GLIS2: variants seen among roughly 807,000 people sequenced by gnomAD.
GLIS2 encodes the protein zinc finger protein GLIS2.
In GLIS2, 14 loss-of-function variants were observed where a neutral mutation model predicts 35.6. The ratio of observed to expected loss-of-function variants is 0.39; its 90% confidence interval spans 0.26 to 0.61. The LOEUF is 0.61. Ranked by LOEUF, GLIS2 falls within the 20% of genes least tolerant of loss-of-function variation. GLIS2 has a pLI of 0.48. For synonymous variants in GLIS2, 368 were observed against 325.1 expected, an observed-to-expected ratio of 1.13 and a Z score of -1.42; for missense variants, 675 against 713.4, an observed-to-expected ratio of 0.95 and a Z score of 0.61.
intron 2 of GLIS2, 51 bp from the exon 3 acceptor site, chr16:4,333,296 C>T (rs1326248992): frequency 6.2e-7 from 1 of 1,603,034 alleles, no homozygotes; most frequent in East Asian, 2.2e-5. Flanking sequence ...GAGTACCTGG[C>T]CCACTGGGAC....
intron 1 of GLIS2, among the ~76,000 whole-genome samples, chr16:4,323,855 G>A (rs1301714227): frequency 6.6e-6 from 1 of 152,200 alleles, no homozygotes; most frequent in Non-Finnish European, 1.5e-5. Context: ...GCCCTCCCTT[G>A]CAAGATGCCC....
At chr16:4,327,975 G>C (rs952734149) in intron 1 of GLIS2, among the ~76,000 whole-genome samples, 2 of 152,062 alleles carry the variant, frequency 1.3e-5, no homozygotes, top group Non-Finnish European at 2.9e-5. Context: ...GAGTGCTCGA[G>C]AGACGCGGCC....
In GLIS2 at chr16:4,335,633, G is replaced by A. The variant is rs2053542689; in HGVS notation, c.775+240G>A. 6.6e-6 allele frequency among the ~76,000 whole-genome samples: 1 copy of A among 152,146 alleles called. No homozygotes were observed. The highest frequency in any genetic ancestry group is 2.4e-5 in the African/African-American group (1 of 41,436). On this transcript the variant is annotated intron_variant, in intron 6 of 6. Coordinates refer to ENST00000433375, the MANE Select transcript of GLIS2 (RefSeq NM_032575.3). This position sits in a 1 kb window ranked among gnomAD's most constrained non-coding sequence, Gnocchi z 4.6. Reference sequence around the variant, plus strand: ...CCAATGCCATTTCCTGGTTCCCGTGGGTATCTTCTGACTAATGCCACCTCT... The same window carrying A: ...CCAATGCCATTTCCTGGTTCCCGTGAGTATCTTCTGACTAATGCCACCTCT...
chr16:4,332,458 G>A lies in GLIS2; in HGVS notation c.172+6G>A. On this transcript the variant is annotated splice_donor_region_variant and intron_variant, in intron 2 of 6. Coordinates refer to ENST00000433375, the MANE Select transcript of GLIS2 (RefSeq NM_032575.3). This position sits in a 1 kb window ranked among gnomAD's most constrained non-coding sequence, Gnocchi z 5.4. ...TCCAGGCTCCCCGCCCTCAGGTACT[G>A]GCCCTGGGCAGGGCAGGGGGACTTA... The A allele has an allele frequency of 6.2e-7, 1 of 1,610,586 alleles. No individual in the cohort carries two copies. The highest frequency in any genetic ancestry group is 8.5e-7 in the Non-Finnish European group (1 of 1,179,796).
rs1475739035 is a variant in GLIS2 at position 4,316,083 on chromosome 16, C to T, written c.-238C>T. On this transcript the variant is annotated 5_prime_UTR_variant, in exon 1 of 7. Coordinates refer to ENST00000433375, the MANE Select transcript of GLIS2 (RefSeq NM_032575.3). ...GCCGCGGCCACCTTCCCTGCCCGAGCTGCAGATGTGGCGGAGCGGCCGGGC... is the reference window on the plus strand; with the variant it reads ...GCCGCGGCCACCTTCCCTGCCCGAGTTGCAGATGTGGCGGAGCGGCCGGGC... Among the ~76,000 whole-genome samples, 1 of 144,294 alleles carries T rather than the reference C, an allele frequency of 6.9e-6. No individual in the cohort carries two copies. The highest frequency in any genetic ancestry group is 1.5e-5 in the Non-Finnish European group (1 of 65,134). The allele number at this position is 144,294 out of a possible 152,430, so 94.7% of individuals were successfully genotyped here.
intron 1 of GLIS2, among the ~76,000 whole-genome samples, chr16:4,316,588 C>T (rs999401291): frequency 2.6e-5 from 4 of 151,764 alleles, no homozygotes. Flanking sequence ...CGGTGGGGGG[C>T]GTGCGGCGAG....
chr16:4,326,787 G>GTC, intron 1 of GLIS2, among the ~76,000 whole-genome samples: 1 of 137,858 alleles, frequency 7.3e-6, no homozygotes, highest in South Asian at 2.3e-4. Flanking sequence ...CCGAGATGGA[G>GTC]TCTCACTCCG....
chr16:4,319,988 T>C, intron 1 of GLIS2, among the ~76,000 whole-genome samples: 1 of 151,134 alleles, frequency 6.6e-6, no homozygotes, highest in Non-Finnish European at 1.5e-5. Context: ...GCTTCCCATC[T>C]GCCCCAGCAG....
At chr16:4,327,375 C>T (rs1295046640) in intron 1 of GLIS2, among the ~76,000 whole-genome samples, 2 of 152,244 alleles carry the variant, frequency 1.3e-5, no homozygotes, top group African/African-American at 2.4e-5. Flanking sequence ...ACCTAATGGT[C>T]CTTTACCCCC....
intron 1 of GLIS2, among the ~76,000 whole-genome samples, chr16:4,329,871 G>A (rs896864260): frequency 6.6e-6 from 1 of 152,210 alleles, no homozygotes; most frequent in Non-Finnish European, 1.5e-5. Flanking sequence ...GAAATGTCGT[G>A]TTTAACCGCG....
At chr16:4,330,403 C>T (rs1041959518) in intron 1 of GLIS2, among the ~76,000 whole-genome samples, 15 of 152,242 alleles carry the variant, frequency 9.9e-5, no homozygotes, top group African/African-American at 1.7e-4. Context: ...ATATATTAAC[C>T]GCCAGATACA....
chr16:4,326,488 C>T (rs2053431499), intron 1 of GLIS2: 1 of 152,256 alleles, frequency 6.6e-6, no homozygotes, highest in Non-Finnish European at 1.5e-5. Flanking sequence ...AGAGGACCCG[C>T]TTCCTTCTGC....
chr16:4,338,909 C>T lies in GLIS2; in HGVS notation c.*1385C>T, dbSNP rs1205415285. On this transcript the variant is annotated 3_prime_UTR_variant, in exon 7 of 7. Coordinates refer to ENST00000433375, the MANE Select transcript of GLIS2 (RefSeq NM_032575.3). ...CCCACCTGGCAGCTGGGAGTTCTGG[C>T]TTCTAGGCCTGCCCTGTCACCAGGC... The T allele has an allele frequency of 5.2e-5, 8 of 152,410 alleles. No homozygotes were observed. 9.4% of individuals were successfully genotyped at this position (152,410 alleles called of 1,614,324 possible).
chr16:4,324,481 T>G (rs1263922637), intron 1 of GLIS2, among the ~76,000 whole-genome samples: 1 of 152,146 alleles, frequency 6.6e-6, no homozygotes, highest in Non-Finnish European at 1.5e-5. Flanking sequence ...TGAGGTTCTT[T>G]GAGGGGCATA....
rs2141131207 is a variant in GLIS2, at chr16:4,333,232, C to G, written c.173-115C>G. 4 of 1,144,128 alleles carry G rather than the reference C, an allele frequency of 3.5e-6. No individual in the cohort carries two copies. In the South Asian group the frequency reaches 3.9e-5, roughly 11 times the overall value. 70.9% of individuals were successfully genotyped at this position (1,144,128 alleles called of 1,614,324 possible). ...AGGCTGCTCCTCACATTCGTGTGGT[C>G]TGGGGGCATGGCTGGTGTCTGCTCC... On this transcript the variant is annotated intron_variant, in intron 2 of 6. Transcript: ENST00000433375.
In GLIS2 at chr16:4,320,687, C is replaced by T. The variant is rs1190230771; in HGVS notation, c.-67+4433C>T. Among the ~76,000 whole-genome samples the T allele has an allele frequency of 2.0e-5, 3 of 152,164 alleles. No individual in the cohort carries two copies. The highest frequency in any genetic ancestry group is 2.9e-5 in the Non-Finnish European group (2 of 68,014). On this transcript the variant is annotated intron_variant, in intron 1 of 6. Transcript: ENST00000433375. The surrounding 1 kb of genome is among the most constrained non-coding windows in gnomAD (Gnocchi z 5.6). ...AAGTCCCGGCCTGCCTGGGCCAGTTCTCCCCTGGGCCACTCCCACCTTCAT... is the reference window on the plus strand; with the variant it reads ...AAGTCCCGGCCTGCCTGGGCCAGTTTTCCCCTGGGCCACTCCCACCTTCAT...
Position 4,337,392 on chromosome 16 carries a change from C to T in GLIS2, c.1443C>T (p.Pro481=). ...SCSRPSPDGL[P]LLPGTVLDLS... is the part of the protein sequence containing the mutation. ...CCCGGCCAAGCCCCGATGGACTCCC[C>T]CTGCTGCCAGGCACCGTGCTGGACC... The change falls in exon 7 of 7, where the codon CCC becomes CCT. Residue 481 remains proline (P), a synonymous_variant. Coordinates refer to ENST00000433375, the MANE Select transcript of GLIS2 (RefSeq NM_032575.3). 1.3e-6 allele frequency: 2 copies of T among 1,593,098 alleles called. No homozygotes were observed. The highest frequency in any genetic ancestry group is 2.3e-5 in the East Asian group (1 of 43,814).
chr16:4,331,583 C>G (rs1052749778), intron 1 of GLIS2: 4 of 154,032 alleles, frequency 2.6e-5, no homozygotes, highest in African/African-American at 9.7e-5. Context: ...CCCGACCGAG[C>G]TGGTCTTGGC....
Position 4,332,136 on chromosome 16 carries a change from C to G in GLIS2, c.-66-79C>G. The G allele has an allele frequency of 9.6e-7, 1 of 1,043,578 alleles. No individual in the cohort carries two copies. Among genetic ancestry groups the G allele is most frequent in the Non-Finnish European group, 1.4e-6 (1 of 699,082 alleles). 64.6% of individuals were successfully genotyped at this position (1,043,578 alleles called of 1,614,324 possible). ...CCTCACACTGCCCCCTGCTCCTGCT[C>G]CTGTTAGACTGTCATGAGTACAGCC... On this transcript the variant is annotated intron_variant, in intron 1 of 6. Coordinates refer to ENST00000433375, the MANE Select transcript of GLIS2 (RefSeq NM_032575.3). The surrounding 1 kb of genome is among the most constrained non-coding windows in gnomAD (Gnocchi z 5.4).
Sources: allele counts gnomAD v4.1 joint callset (sites outside exome capture counted in the v4.1 genomes callset), GRCh38; gene constraint gnomAD v4.1.1; non-coding constraint Gnocchi (gnomAD v3.1); transcripts MANE v1.5; gene names NCBI Gene and HGNC (gene_info 2026-07-23, HGNC 2026-07-21).